Variants in GPAT2 observed in about 807,000 individuals in gnomAD.
The protein encoded by GPAT2 is glycerol-3-phosphate acyltransferase 2, mitochondrial, also known as 1-acylglycerol-3-phosphate O-acyltransferase GPAT2.
GPAT2 carries 51 observed loss-of-function variants against 71.0 expected under a neutral mutation model. The observed-to-expected ratio is 0.72, with a 90% CI of 0.57 to 0.91. The LOEUF is 0.91. Ranked by LOEUF, GPAT2 falls within the 40% of genes least tolerant of loss-of-function variation. GPAT2 has a pLI of 0.00. For missense variants in GPAT2, 511 were observed against 666.0 expected (o/e 0.77, Z 2.56); for synonymous variants, 222 against 290.3 (o/e 0.76, Z 2.39).
At chr2:96,025,288 G>A (rs1680273611) in intron 13 of GPAT2, 197 bp downstream of exon 13, 2 of 718,020 alleles carry the variant, frequency 2.8e-6, no homozygotes, top group Admixed American at 3.3e-5. Flanking sequence ...CATGCACTTA[G>A]CTGCTCCCTT....
Position 96,021,968 on chromosome 2 carries a change from C to T in GPAT2, c.*191G>A. 1 of 1,376,198 alleles carries T rather than the reference C, an allele frequency of 7.3e-7. No homozygotes were observed. The highest frequency in any genetic ancestry group is 1.5e-5 in the South Asian group (1 of 65,174). 85.2% of individuals were successfully genotyped at this position (1,376,198 alleles called of 1,614,324 possible). Reference sequence around the variant, plus strand: ...AGATGCTGCTGGGCTGGGGAAAAGACAACTCGTCTCGTCCCCTTGTTTATC... The same window carrying T: ...AGATGCTGCTGGGCTGGGGAAAAGATAACTCGTCTCGTCCCCTTGTTTATC... On this transcript the variant is annotated 3_prime_UTR_variant, in exon 22 of 22. Transcript: ENST00000434632.
Position 96,024,185 on chromosome 2 carries a change from T to G in GPAT2, c.1836+4A>C. On this transcript the variant is annotated splice_donor_region_variant and intron_variant, in intron 16 of 21. Transcript: ENST00000434632. ...GACCAAGTGGGCCGTAGGGGAGGCCTGACCTTTAGCAGCAGCAGGTCTTGC... is the reference window on the plus strand; with the variant it reads ...GACCAAGTGGGCCGTAGGGGAGGCCGGACCTTTAGCAGCAGCAGGTCTTGC... 6.6e-7 allele frequency: 1 copy of G among 1,517,650 alleles called. No individual in the cohort carries two copies. The highest frequency in any genetic ancestry group is 8.8e-7 in the Non-Finnish European group (1 of 1,130,296). 94.0% of individuals were successfully genotyped at this position (1,517,650 alleles called of 1,614,324 possible).
Position 96,022,178 on chromosome 2 carries a change from C to A in GPAT2, c.2387G>T (p.Arg796Leu). ...ACAGTTCTAGCTACAAATGAACTGC[C>A]GGATGAACTGTTCTAGTTTTTCCTG... ...DNQEKLEQFI[R>L]QFICS The change falls in exon 22 of 22, where the codon CGG (arginine) becomes CTG (leucine). Residue 796 changes from arginine to leucine, a missense_variant. Physicochemically the swap from Arg to Leu is moderately radical, Grantham distance 102. Transcript: ENST00000434632. 6.2e-7 allele frequency: 1 copy of A among 1,610,826 alleles called. No individual in the cohort carries two copies. Among genetic ancestry groups the A allele is most frequent in the Non-Finnish European group, 8.5e-7 (1 of 1,179,320 alleles).
chr2:96,024,388 C>T, intron 15 of GPAT2, 39 bp downstream of exon 15: 1 of 1,608,342 alleles, frequency 6.2e-7, no homozygotes, highest in South Asian at 1.1e-5. Context: ...TTCACCACTG[C>T]ACACACATCC....
chr2:96,024,483 T>C lies in GPAT2; in HGVS notation c.1631A>G (p.His544Arg). ...VVPQPGPGLTHLAQLSAELLP... is the reference protein window; with the variant it reads ...VVPQPGPGLTRLAQLSAELLP... ...CAGCTCAGCACTCAGTTGTGCCAGG[T>C]GTGTGAGGCCTGGGCCAGGCTGCGG... is the stretch of plus-strand genomic sequence containing the variant. The change falls in exon 15 of 22, where the codon CAC becomes CGC. Residue 544 changes from histidine (H) to arginine (R), a missense_variant. By Grantham distance (29) the His-to-Arg change is conservative. This residue lies in a region of GPAT2 where 295 missense variants were observed against 305.5 expected (regional missense o/e 0.97). Coordinates refer to ENST00000434632, the MANE Select transcript of GPAT2 (RefSeq NM_001321527.2). 1.9e-6 allele frequency: 3 copies of C among 1,613,956 alleles called. No individual in the cohort carries two copies. The highest frequency in any genetic ancestry group is 2.5e-6 in the Non-Finnish European group (3 of 1,179,962).
rs1276689809 is a variant in GPAT2 at position 96,024,796 on chromosome 2, G to A, written c.1405C>T (p.Leu469=). 5 of 1,613,774 alleles carry A rather than the reference G, an allele frequency of 3.1e-6. No homozygotes were observed. The Admixed American group carries it at 8.3e-5, about 27-fold the overall frequency. ...AVMSTAIMAT[L]LLFKHQKGVF... is the part of the protein sequence containing the mutation. ...ACCTTCTGATGCTTGAAGAGCAGCA[G>A]CGTTGCCATAATGGCCGTGCTCATC... is the stretch of plus-strand genomic sequence containing the variant. Residue 469 remains leucine (L), a synonymous_variant, in exon 14 of 22, where the codon CTG becomes TTG. Transcript: ENST00000434632.
Position 96,024,813 on chromosome 2 carries a change from G to A in GPAT2, c.1388C>T (p.Thr463Met), listed in dbSNP as rs764669978. 4.8e-5 allele frequency: 78 copies of A among 1,613,516 alleles called. 1 individual carries two copies. The highest frequency in any genetic ancestry group is 6.7e-5 in the Admixed American group (4 of 59,988). ...ASVGSSAVMS[T>M]AIMATLLLFK... ...GAGCAGCAGCGTTGCCATAATGGCC[G>A]TGCTCATCACCGCAGAGCTCCCTAC... Residue 463 changes from threonine (T) to methionine (M), a missense_variant, in exon 14 of 22, where the codon ACG becomes ATG. Physicochemically the swap from Thr to Met is moderately conservative, Grantham distance 81. Transcript: ENST00000434632.
chr2:96,023,461 G>A (rs1165790312), intron 17 of GPAT2, 21 bp from the exon 18 acceptor site: 22 of 1,613,548 alleles, frequency 1.4e-5, no homozygotes, highest in African/African-American at 1.2e-4. Flanking sequence ...TGGAGCCATT[G>A]TTCTCTGACA....
Position 96,022,085 on chromosome 2 carries a change from C to G in GPAT2, c.*74G>C. 6.4e-7 allele frequency: 1 copy of G among 1,552,196 alleles called. No homozygotes were observed. Among genetic ancestry groups the G allele is most frequent in the Non-Finnish European group, 8.7e-7 (1 of 1,149,958 alleles). On this transcript the variant is annotated 3_prime_UTR_variant, in exon 22 of 22. Coordinates refer to ENST00000434632, the MANE Select transcript of GPAT2 (RefSeq NM_001321527.2). ...AGCAGCTAAGGGTTTGCAGCCTCCT[C>G]TCCATCTTCTGGCTCTAGGACACAG...
rs770396130 is a variant in GPAT2, at chr2:96,026,299, C to A, written c.1039G>T (p.Ala347Ser). Residue 347 changes from alanine (A) to serine (S), a missense_variant, in exon 11 of 22, where the codon GCC (alanine) becomes TCC (serine). By Grantham distance (99) the Ala-to-Ser change is moderately conservative (BLOSUM62 1). Around this residue, in one of 7 missense-constraint regions of GPAT2, gnomAD observed 79 missense variants for 111.4 expected, o/e 0.71. Coordinates refer to ENST00000434632, the MANE Select transcript of GPAT2 (RefSeq NM_001321527.2). ...DAPCDIDHASAPLGLWTGALA... is the reference protein window; with the variant it reads ...DAPCDIDHASSPLGLWTGALA... ...GCTCCTGTCCACAGCCCCAGGGGGG[C>A]CGAGGCCTGCAAGGAGGGAAAGGAT... The A allele has an allele frequency of 5.8e-6, 9 of 1,540,148 alleles. No homozygotes were observed. The Admixed American group carries it at 1.7e-4, about 30-fold the overall frequency.
chr2:96,024,047 G>A, intron 16 of GPAT2, 47 bp from the exon 17 acceptor site: 3 of 1,579,030 alleles, frequency 1.9e-6, no homozygotes, highest in Non-Finnish European at 2.6e-6. Flanking sequence ...CCAGGCACAT[G>A]GGCAGGGGCC....
At chr2:96,025,082 C>T in intron 13 of GPAT2, 1 of 604,952 alleles carries the variant, frequency 1.7e-6, no homozygotes. Flanking sequence ...ACTAGAGGGG[C>T]ACTGAAGAAG....
Position 96,025,487 on chromosome 2 carries a change from C to G in GPAT2, c.1355G>C (p.Ser452Thr), listed in dbSNP as rs748872711. ...GCCCAGATCTGGTTCACCCTCACCA[C>G]TCAGGACATGACAGCTCAGTCTCCT... ...LVRRLSCHVL[S>T]ASVGSSAVMS... is the part of the protein sequence containing the mutation. The change falls in exon 13 of 22, where the codon AGT becomes ACT. Residue 452 changes from serine (S) to threonine (T), a missense_variant and splice_region_variant. Physicochemically the swap from Ser to Thr is moderately conservative, Grantham distance 58. Around this residue, in one of 7 missense-constraint regions of GPAT2, gnomAD observed 295 missense variants for 305.5 expected, o/e 0.97. Transcript: ENST00000434632. The G allele has an allele frequency of 6.6e-5, 104 of 1,573,740 alleles. No homozygotes were observed. Among genetic ancestry groups the G allele is most frequent in the Non-Finnish European group, 8.2e-5 (95 of 1,159,838 alleles).
At chr2:96,022,306 C>A in intron 21 of GPAT2, 31 bp from the exon 22 acceptor site, 1 of 1,559,788 alleles carries the variant, frequency 6.4e-7, no homozygotes, top group Non-Finnish European at 8.7e-7. Flanking sequence ...CGTGAGTGCG[C>A]TCACCACAGG....
At chr2:96,024,709 G>A (rs371709448) in intron 14 of GPAT2, 24 bp from the exon 15 acceptor site, 6 of 1,613,466 alleles carry the variant, frequency 3.7e-6, no homozygotes, top group East Asian at 2.2e-5. Flanking sequence ...GCAGGGCTAG[G>A]CAGCAGGGCC....
intron 17 of GPAT2, 50 bp downstream of exon 17, chr2:96,023,873 G>A: frequency 1.3e-6 from 2 of 1,546,728 alleles, no homozygotes; most frequent in East Asian, 2.4e-5. Flanking sequence ...TGGGAGGCTG[G>A]AGGAGGCCAG....
At chr2:96,022,835 G>A in intron 20 of GPAT2, 112 bp from the exon 21 acceptor site, 1 of 1,612,758 alleles carries the variant, frequency 6.2e-7, no homozygotes, top group Non-Finnish European at 8.5e-7. Flanking sequence ...GCTCTGACTG[G>A]ACAGAAGACT....
In GPAT2 at chr2:96,024,237, C is replaced by G. The variant is rs748898448; in HGVS notation, c.1788G>C (p.Gln596His). The change falls in exon 16 of 22, where the codon CAG becomes CAC. Residue 596 changes from glutamine (Q) to histidine (H), a missense_variant. Physicochemically the swap from Gln to His is conservative, Grantham distance 24. This residue lies in a region of GPAT2 where 295 missense variants were observed against 305.5 expected (regional missense o/e 0.97). Transcript: ENST00000434632. ...GCAGCAGGTGCATCAGCAGCAGGAT[C>G]TGGCGGTACAGCTCATTCTGGCTCA... ...LLLSQNELYR[Q>H]ILLLMHLLPQ... is the part of the protein sequence containing the mutation. 3 of 1,550,428 alleles carry G rather than the reference C, an allele frequency of 1.9e-6. No individual in the cohort carries two copies. The highest frequency in any genetic ancestry group is 3.8e-5 in the Admixed American group (2 of 52,768).
chr2:96,024,359 T>C, intron 15 of GPAT2, 22 bp from the exon 16 acceptor site: 2 of 1,601,642 alleles, frequency 1.2e-6, no homozygotes, highest in Non-Finnish European at 1.7e-6. Flanking sequence ...GGGTCCATTA[T>C]GAAGAAGGAG....
Sources: gnomAD v4.1 joint callset for allele counts on GRCh38, gnomAD v4.1.1 for gene constraint, gnomAD v4.1.1 regional missense constraint, MANE v1.5 for transcripts, NCBI Gene and HGNC (gene_info 2026-07-23, HGNC 2026-07-21) for gene names.